Variants in SLC35H1 observed in about 807,000 individuals in gnomAD.
SLC35H1 encodes solute carrier family 35 member H1, also known as ovarian cancer-overexpressed gene 1 protein.
At chr20:46,359,166 G>A in the SLC35H1 span, among the ~76,000 whole-genome samples, 1,896 of 152,208 alleles carry the variant, frequency 0.012, 31 homozygotes, top group African/African-American at 0.043. Context: ...CTTTCTTCCC[G>A]TTGTCTGAAG....
the SLC35H1 span, among the ~76,000 whole-genome samples, chr20:46,351,886 G>A: frequency 6.6e-6 from 1 of 152,224 alleles, no homozygotes; most frequent in African/African-American, 2.4e-5. Context: ...AAGGCAGAAG[G>A]AGGGGCCAGC....
the SLC35H1 span, chr20:46,357,553 T>C: frequency 6.5e-7 from 1 of 1,535,020 alleles, no homozygotes; most frequent in Non-Finnish European, 8.8e-7. Flanking sequence ...TGCGGGTGTC[T>C]CTCTTGTTCT....
At chr20:46,360,302 G>T in the SLC35H1 span, among the ~76,000 whole-genome samples, 2 of 152,100 alleles carry the variant, frequency 1.3e-5, no homozygotes, top group South Asian at 4.1e-4. Context: ...GGCACCAAAA[G>T]TGTCCATTCT....
chr20:46,358,462 C>T, the SLC35H1 span: 2 of 1,614,230 alleles, frequency 1.2e-6, no homozygotes, highest in Non-Finnish European at 1.7e-6. Context: ...CCAGGGTCAA[C>T]ACCGCCTTCC....
At chr20:46,359,715 A>G in the SLC35H1 span, among the ~76,000 whole-genome samples, 1 of 152,178 alleles carries the variant, frequency 6.6e-6, no homozygotes, top group African/African-American at 2.4e-5. Context: ...GAGGAGCCTC[A>G]GGTCCAGTGT....
the SLC35H1 span, chr20:46,352,047 G>C: frequency 1.4e-5 from 23 of 1,614,030 alleles, no homozygotes; most frequent in Non-Finnish European, 1.9e-5. Context: ...GCCCGAGTCT[G>C]TACCTTAAAA....
At chr20:46,354,444 G>T in the SLC35H1 span, among the ~76,000 whole-genome samples, 20 of 152,322 alleles carry the variant, frequency 1.3e-4, no homozygotes, top group South Asian at 6.2e-4. Flanking sequence ...GCAAGATAGG[G>T]TGGTTAAGAG....
the SLC35H1 span, chr20:46,358,769 G>A: frequency 1.0e-5 from 15 of 1,492,656 alleles, no homozygotes; most frequent in Middle Eastern, 1.7e-4. Flanking sequence ...GTCTGCTGCT[G>A]GGGAAAAAGG....
chr20:46,348,624 A>G, the SLC35H1 span: 6 of 152,326 alleles, frequency 3.9e-5, no homozygotes, highest in Non-Finnish European at 4.4e-5. Flanking sequence ...TGTGCTGGGA[A>G]TCTGAATTAG....
At chr20:46,350,653 A>C in the SLC35H1 span, 17 of 1,494,684 alleles carry the variant, frequency 1.1e-5, no homozygotes, top group Non-Finnish European at 1.3e-5. Flanking sequence ...ATCTTCCTAG[A>C]GGAGTGACGG....
At chr20:46,358,949 C>G in the SLC35H1 span, 1 of 606,208 alleles carries the variant, frequency 1.6e-6, no homozygotes. Flanking sequence ...TGAACTGCCA[C>G]CAAAGTGACC....
the SLC35H1 span, among the ~76,000 whole-genome samples, chr20:46,360,377 T>C: frequency 2.6e-4 from 39 of 152,124 alleles, no homozygotes; most frequent in African/African-American, 9.4e-4. Flanking sequence ...AACACGGCTG[T>C]GTCAGTCTGT....
the SLC35H1 span, among the ~76,000 whole-genome samples, chr20:46,356,065 G>GTA: frequency 6.6e-6 from 1 of 152,188 alleles, no homozygotes; most frequent in Non-Finnish European, 1.5e-5. Flanking sequence ...GAGAGAAGAG[G>GTA]TTACAGGTCT....
At chr20:46,355,446 C>T in the SLC35H1 span, 2 of 657,054 alleles carry the variant, frequency 3.0e-6, no homozygotes, top group Non-Finnish European at 5.1e-6. The surrounding 1 kb of genome is among the most constrained non-coding windows in gnomAD (Gnocchi z 4.8). Context: ...GGTATGCCAA[C>T]AGCCCTGCTT....
chr20:46,350,322 G>T, the SLC35H1 span: 2 of 1,514,660 alleles, frequency 1.3e-6, no homozygotes, highest in Non-Finnish European at 1.8e-6. Flanking sequence ...ATGAGCCCTG[G>T]CGGCTTGAGC....
the SLC35H1 span, among the ~76,000 whole-genome samples, chr20:46,360,506 A>G: frequency 6.6e-6 from 1 of 151,886 alleles, no homozygotes; most frequent in Non-Finnish European, 1.5e-5. Context: ...ACTATCAATT[A>G]CTTTCCTTTT....
At chr20:46,358,619 C>A in the SLC35H1 span, 2 of 1,574,086 alleles carry the variant, frequency 1.3e-6, no homozygotes, top group Non-Finnish European at 1.7e-6. Context: ...CCAAGAACGT[C>A]TCCAGGCTGG....
the SLC35H1 span, chr20:46,352,153 G>A: frequency 6.2e-7 from 1 of 1,614,214 alleles, no homozygotes; most frequent in Non-Finnish European, 8.5e-7. Flanking sequence ...CAAGGAAGAG[G>A]CTCCCAAGTA....
the SLC35H1 span, chr20:46,352,296 C>T: frequency 7.3e-7 from 1 of 1,371,538 alleles, no homozygotes; most frequent in Non-Finnish European, 1.0e-6. Context: ...ATGCCAACCA[C>T]ACAAGATCTT....
Sources: gnomAD v4.1 joint callset for allele counts (sites outside exome capture counted in the v4.1 genomes callset) on GRCh38, gnomAD v4.1.1 for gene constraint, Gnocchi (gnomAD v3.1) non-coding constraint, MANE v1.5 for transcripts, NCBI Gene and HGNC (gene_info 2026-07-23, HGNC 2026-07-21) for gene names.